Variants in PAXIP1 observed in about 807,000 individuals in gnomAD.
The protein encoded by PAXIP1 is PAX interacting protein 1.
Under a neutral mutation model 140.6 loss-of-function variants are expected in PAXIP1, and 19 were observed. That is an observed-to-expected ratio of 0.14 (90% CI 0.09 to 0.20). The LOEUF is 0.20. Ranked by LOEUF, PAXIP1 falls within the 10% of genes least tolerant of loss-of-function variation. The pLI is 1.00. For synonymous variants in PAXIP1, 442 were observed against 444.6 expected (o/e 0.99, Z 0.07); for missense variants, 920 against 1,208.6 (o/e 0.76, Z 3.54).
chr7:154,985,191 A>T (rs1810016107), intron 4 of PAXIP1, among the ~76,000 whole-genome samples: 1 of 152,204 alleles, frequency 6.6e-6, no homozygotes, highest in Admixed American at 6.5e-5. Flanking sequence ...GATTATGGGG[A>T]CATTTTTATT....
chr7:154,953,166 C>T (rs1045558121), intron 16 of PAXIP1, among the ~76,000 whole-genome samples: 13 of 152,056 alleles, frequency 8.5e-5, no homozygotes, highest in Admixed American at 3.9e-4. Flanking sequence ...TGTAACGGGA[C>T]CTAGTAGCGC....
intron 15 of PAXIP1, among the ~76,000 whole-genome samples, chr7:154,955,309 C>A (rs796633101): frequency 1.3e-5 from 2 of 152,094 alleles, no homozygotes; most frequent in South Asian, 4.1e-4. Flanking sequence ...AATAAGAAAG[C>A]AAGTATCTAA....
rs1180634534 is a variant in PAXIP1, at chr7:154,954,966, C to G, written c.2653-543G>C. On this transcript the variant is annotated intron_variant, in intron 15 of 20. Transcript: ENST00000404141. The surrounding 1 kb of genome is among the most constrained non-coding windows in gnomAD (Gnocchi z 5.1). ...TTGTTTCTTTTCCTTAAAAAGGAAA[C>G]CAGGAGTAAAATGTACGAATCCACC... 6.6e-6 allele frequency among the ~76,000 whole-genome samples: 1 copy of G among 152,132 alleles called. No individual in the cohort carries two copies. The highest frequency in any genetic ancestry group is 1.5e-5 in the Non-Finnish European group (1 of 68,018).
chr7:154,968,938 G>T lies in PAXIP1; in HGVS notation c.1263C>A (p.Pro421=). 2 of 1,457,848 alleles carry T rather than the reference G, an allele frequency of 1.4e-6. No homozygotes were observed. Among genetic ancestry groups the T allele is most frequent in the Non-Finnish European group, 9.4e-7 (1 of 1,065,088 alleles). 90.3% of individuals were successfully genotyped at this position (1,457,848 alleles called of 1,614,324 possible). A position where few individuals can be genotyped will look rare whatever the true frequency, so the allele number is the denominator to read the frequency against. ...QQQHPVLHLQ[P]QQIMQLQQQQ... ...GCTGCTGGAGCTGCATTATCTGCTG[G>T]GGCTGAAGGTGTAAAACCGGGTGCT... The change falls in exon 7 of 21, where the codon CCC becomes CCA. Residue 421 remains proline (P), a synonymous_variant. Coordinates refer to ENST00000404141, the MANE Select transcript of PAXIP1 (RefSeq NM_007349.4).
intron 9 of PAXIP1, among the ~76,000 whole-genome samples, chr7:154,962,848 T>C (rs1027271405): frequency 6.6e-6 from 1 of 152,146 alleles, no homozygotes; most frequent in Non-Finnish European, 1.5e-5. Flanking sequence ...AAAAAAAGTC[T>C]CAGAAGTATT....
chr7:154,967,062 G>C (rs1484163348), intron 8 of PAXIP1, among the ~76,000 whole-genome samples: 1 of 152,152 alleles, frequency 6.6e-6, no homozygotes, highest in Non-Finnish European at 1.5e-5. Flanking sequence ...CAACACGATG[G>C]GTGAAGGTCC....
In PAXIP1 at chr7:154,960,990, G is replaced by C; in HGVS notation, c.2337C>G (p.Asn779Lys). 1 of 1,602,502 alleles carries C rather than the reference G, an allele frequency of 6.2e-7. No homozygotes were observed. The highest frequency in any genetic ancestry group is 8.5e-7 in the Non-Finnish European group (1 of 1,174,192). ...AQWLGDILLG[N>K]FEALRQIQYS... Reference sequence around the variant, plus strand: ...ACTGAATCTGCCTCAGTGCCTCAAAGTTTCCCAGAAGAATGTCGCCAAGCC... The same window carrying C: ...ACTGAATCTGCCTCAGTGCCTCAAACTTTCCCAGAAGAATGTCGCCAAGCC... Residue 779 changes from asparagine to lysine, a missense_variant, in exon 12 of 21, where the codon AAC becomes AAG. Coordinates refer to ENST00000404141, the MANE Select transcript of PAXIP1 (RefSeq NM_007349.4).
chr7:154,974,137 A>G (rs1418937076), intron 6 of PAXIP1: 3 of 152,320 alleles, frequency 2.0e-5, no homozygotes, highest in African/African-American at 7.2e-5. Context: ...CTGAAAAGAA[A>G]CTTAGGTTCT....
At chr7:154,945,621 A>AGCTC (rs1272140343) in intron 20 of PAXIP1, 1 of 479,326 alleles carries the variant, frequency 2.1e-6, no homozygotes, top group Non-Finnish European at 2.6e-6. Context: ...CACAGAGAGG[A>AGCTC]GGAGCTCCAG....
chr7:154,945,898 A>C (rs1428291535), intron 20 of PAXIP1: 1 of 985,270 alleles, frequency 1.0e-6, no homozygotes, highest in East Asian at 1.1e-4. Flanking sequence ...TGACCTTTGC[A>C]TTTTCCTGAC....
At position 154,963,940 on chromosome 7, in the gene PAXIP1, A is replaced by G. The variant is rs746596874; in HGVS notation, c.1894-174T>C. The G allele has an allele frequency of 1.6e-5, 9 of 577,140 alleles. No homozygotes were observed. The highest frequency in any genetic ancestry group is 2.5e-5 in the Non-Finnish European group (8 of 320,316). The allele number at this position is 577,140 out of a possible 1,614,324, so 35.8% of individuals were successfully genotyped here. ...TACGGACTTTTCTACCCAGCACCATACAATGAAAATGAACTCCAATACTCT... is the reference window on the plus strand; with the variant it reads ...TACGGACTTTTCTACCCAGCACCATGCAATGAAAATGAACTCCAATACTCT... On this transcript the variant is annotated intron_variant, in intron 8 of 20. Transcript: ENST00000404141. This position sits in a 1 kb window ranked among gnomAD's most constrained non-coding sequence, Gnocchi z 4.1.
chr7:154,944,982 CT>C (rs11344042), intron 20 of PAXIP1: 44,516 of 128,876 alleles, frequency 0.35, 7,317 homozygotes, highest in Middle Eastern at 0.45. Flanking sequence ...AATTTTACTT[CT>C]TTTTTTTTTT....
At position 154,957,620 on chromosome 7, in the gene PAXIP1, A is replaced by T. The variant is rs1327611999; in HGVS notation, c.2479-326T>A. 3.9e-5 allele frequency among the ~76,000 whole-genome samples: 6 copies of T among 152,098 alleles called. No individual in the cohort carries two copies. In the South Asian group the frequency reaches 1.2e-3, roughly 32 times the overall value. ...ATATATATGCAGCCCTCAACCTTGA[A>T]CTTCTCAAAATGGTTTTTATTTCAA... On this transcript the variant is annotated intron_variant, in intron 13 of 20. Transcript: ENST00000404141.
intron 5 of PAXIP1, among the ~76,000 whole-genome samples, chr7:154,980,081 A>T (rs1809772187): frequency 6.6e-6 from 1 of 152,212 alleles, no homozygotes; most frequent in Non-Finnish European, 1.5e-5. Flanking sequence ...TCCTAGAATG[A>T]TCAAGACAAT....
At chr7:154,979,364 C>T (rs111453619) in intron 5 of PAXIP1, among the ~76,000 whole-genome samples, 1 of 152,084 alleles carries the variant, frequency 6.6e-6, no homozygotes, top group Non-Finnish European at 1.5e-5. Flanking sequence ...GCTATGTGCT[C>T]ATTAAAGAAA....
At position 154,963,846 on chromosome 7, in the gene PAXIP1, TA is replaced by T; in HGVS notation, c.1894-81del. The T allele has an allele frequency of 1.2e-6, 1 of 862,152 alleles. No homozygotes were observed. The highest frequency in any genetic ancestry group is 1.9e-6 in the Non-Finnish European group (1 of 517,476). The allele number at this position is 862,152 out of a possible 1,614,324, so 53.4% of individuals were successfully genotyped here. A position where few individuals can be genotyped will look rare whatever the true frequency, so the allele number is the denominator to read the frequency against. ...TTCCAATTTCAAATAAGGCAGCTAT[TA>T]AAAGACTCTATCATATATTTATATC... On this transcript the variant is annotated intron_variant, in intron 8 of 20. Coordinates refer to ENST00000404141, the MANE Select transcript of PAXIP1 (RefSeq NM_007349.4). This position sits in a 1 kb window ranked among gnomAD's most constrained non-coding sequence, Gnocchi z 4.1.
intron 8 of PAXIP1, chr7:154,965,748 T>G (rs2150754488): frequency 6.6e-6 from 1 of 152,380 alleles, no homozygotes; most frequent in African/African-American, 2.4e-5. Context: ...TATGCGTTAA[T>G]TGCCTGTTTA....
In PAXIP1 at chr7:154,946,182, G is replaced by C; in HGVS notation, c.3194+183C>G. The C allele has an allele frequency of 1.6e-5, 16 of 982,762 alleles. No individual in the cohort carries two copies. The highest frequency in any genetic ancestry group is 1.8e-5 in the Non-Finnish European group (15 of 827,538). The allele number at this position is 982,762 out of a possible 1,614,324, so 60.9% of individuals were successfully genotyped here. ...AAACTGAACTCTCAGTAAGTTAAGA[G>C]AATATTTTTACTAGCAACTCAAATG... On this transcript the variant is annotated intron_variant, in intron 20 of 20. Coordinates refer to ENST00000404141, the MANE Select transcript of PAXIP1 (RefSeq NM_007349.4). The surrounding 1 kb of genome is among the most constrained non-coding windows in gnomAD (Gnocchi z 4.9).
chr7:154,992,320 G>A (rs531959071), intron 3 of PAXIP1, among the ~76,000 whole-genome samples: 2 of 152,280 alleles, frequency 1.3e-5, no homozygotes, highest in South Asian at 2.1e-4. Flanking sequence ...AGGCCGAGGT[G>A]GGTGGACCAC....
Sources: gnomAD v4.1 joint callset for allele counts (sites outside exome capture counted in the v4.1 genomes callset) on GRCh38, gnomAD v4.1.1 for gene constraint, Gnocchi (gnomAD v3.1) non-coding constraint, MANE v1.5 for transcripts, NCBI Gene and HGNC (gene_info 2026-07-23, HGNC 2026-07-21) for gene names.